BBS9: variants seen among roughly 807,000 people sequenced by gnomAD.
The protein encoded by BBS9 is Bardet-Biedl syndrome 9, also known as protein PTHB1.
BBS9 carries 89 observed loss-of-function variants against 117.7 expected under a neutral mutation model. The ratio of observed to expected loss-of-function variants is 0.76; its 90% CI spans 0.64 to 0.90. The LOEUF (loss-of-function observed/expected upper bound fraction) is 0.90, where lower values mean the gene tolerates loss of function less well. Among genes scored for constraint, BBS9 ranks in the 40% least tolerant of loss-of-function variants. The pLI is 0.00. For missense variants in BBS9, 982 were observed against 1,042.2 expected (o/e 0.94, Z 0.80); for synonymous variants, 379 against 370.9 (o/e 1.02, Z -0.25).
chr7:33,384,715 T>A (rs79407543), intron 18 of BBS9, among the ~76,000 whole-genome samples: 215 of 144,810 alleles, frequency 1.5e-3, no homozygotes, highest in East Asian at 0.01. Flanking sequence ...TGTGTGTGTG[T>A]GAGAGAGAGA....
chr7:33,479,759 ATAC>A (rs1842277721), intron 19 of BBS9, among the ~76,000 whole-genome samples: 1 of 152,036 alleles, frequency 6.6e-6, no homozygotes. Context: ...ACACTTTTAA[ATAC>A]TAGCCATTCT....
At chr7:33,416,902 C>T (rs1832094045) in intron 19 of BBS9, among the ~76,000 whole-genome samples, 1 of 152,134 alleles carries the variant, frequency 6.6e-6, no homozygotes, top group Non-Finnish European at 1.5e-5. Flanking sequence ...ACATTTGCTC[C>T]TTGATGCTCC....
chr7:33,590,049 AG>A (rs527814148), intron 21 of BBS9, among the ~76,000 whole-genome samples: 64 of 152,248 alleles, frequency 4.2e-4, no homozygotes, highest in Non-Finnish European at 4.4e-5. Flanking sequence ...AAGCAAAAAA[AG>A]TTTCAAGGAA....
In BBS9 at chr7:33,276,205, T is replaced by C. The variant is rs187936922; in HGVS notation, c.1016+2249T>C. On this transcript the variant is annotated intron_variant, in intron 9 of 22. Coordinates refer to ENST00000242067, the MANE Select transcript of BBS9 (RefSeq NM_198428.3). Reference sequence around the variant, plus strand: ...TTTTTTCTTCTTCAGTAAACTATAATTAATGCATGAAAAAGAAAATAAAGA... The same window carrying C: ...TTTTTTCTTCTTCAGTAAACTATAACTAATGCATGAAAAAGAAAATAAAGA... Among the ~76,000 whole-genome samples, 13 of 152,326 alleles carry C rather than the reference T, an allele frequency of 8.5e-5. No individual in the cohort carries two copies. In the East Asian group the frequency reaches 2.5e-3, roughly 29 times the overall value.
At chr7:33,618,234 A>G (rs892070507) in intron 21 of BBS9, among the ~76,000 whole-genome samples, 3 of 151,962 alleles carry the variant, frequency 2.0e-5, no homozygotes, top group Non-Finnish European at 4.4e-5. Context: ...GTTCATAGCT[A>G]CTCTGGAGGC....
At chr7:33,621,712 A>C in intron 21 of BBS9, among the ~76,000 whole-genome samples, 1 of 152,176 alleles carries the variant, frequency 6.6e-6, no homozygotes, top group Non-Finnish European at 1.5e-5. Context: ...TGTCAAAGAG[A>C]TACCTGTATT....
At chr7:33,577,770 G>C (rs1264677534) in intron 21 of BBS9, among the ~76,000 whole-genome samples, 1 of 152,168 alleles carries the variant, frequency 6.6e-6, no homozygotes, top group Non-Finnish European at 1.5e-5. Flanking sequence ...GATGAAGCTG[G>C]AAACCATCAT....
chr7:33,234,252 C>G (rs535937558), intron 5 of BBS9, among the ~76,000 whole-genome samples: 1 of 152,052 alleles, frequency 6.6e-6, no homozygotes, highest in Admixed American at 6.6e-5. Flanking sequence ...GGGTTTGGTA[C>G]TAAGGTTTCA....
intron 19 of BBS9, among the ~76,000 whole-genome samples, chr7:33,399,777 G>T (rs1205985293): frequency 6.6e-6 from 1 of 152,074 alleles, no homozygotes. Context: ...AAGTTATAGG[G>T]CTTTGTGCAA....
At chr7:33,564,447 T>C (rs1856555208) in intron 21 of BBS9, among the ~76,000 whole-genome samples, 1 of 152,210 alleles carries the variant, frequency 6.6e-6, no homozygotes, top group African/African-American at 2.4e-5. Context: ...TTAACCTTTC[T>C]GGGCCTTAGT....
intron 11 of BBS9, among the ~76,000 whole-genome samples, chr7:33,342,923 T>A (rs1326915914): frequency 6.6e-6 from 1 of 152,198 alleles, no homozygotes; most frequent in Non-Finnish European, 1.5e-5. Flanking sequence ...CTTTGAATCA[T>A]TATTATGAAA....
intron 21 of BBS9, among the ~76,000 whole-genome samples, chr7:33,625,335 G>A (rs1865588863): frequency 6.6e-6 from 1 of 152,090 alleles, no homozygotes; most frequent in Non-Finnish European, 1.5e-5. Context: ...TCCAGGCCCT[G>A]AATTCTACTC....
At chr7:33,317,463 T>TTA (rs1810759039) in intron 9 of BBS9, among the ~76,000 whole-genome samples, 1 of 151,792 alleles carries the variant, frequency 6.6e-6, no homozygotes, top group African/African-American at 2.4e-5. Flanking sequence ...TCTTTTTTTT[T>TTA]AACAATATTA....
chr7:33,219,648 C>T (rs941041530), intron 5 of BBS9, among the ~76,000 whole-genome samples: 63 of 152,062 alleles, frequency 4.1e-4, no homozygotes, highest in Non-Finnish European at 7.8e-4. Context: ...CCGTATCTAG[C>T]TAATCTGGTG....
At chr7:33,315,884 C>G (rs1390878448) in intron 9 of BBS9, among the ~76,000 whole-genome samples, 1 of 152,178 alleles carries the variant, frequency 6.6e-6, no homozygotes, top group Admixed American at 6.5e-5. Flanking sequence ...GCACACAGCA[C>G]TAAGCTTAAA....
chr7:33,330,849 C>A (rs1305900881), intron 9 of BBS9, among the ~76,000 whole-genome samples: 1 of 152,130 alleles, frequency 6.6e-6, no homozygotes, highest in African/African-American at 2.4e-5. Flanking sequence ...AATTCAGAGA[C>A]CTTGATTTTG....
chr7:33,461,530 C>G (rs1839467773), intron 19 of BBS9, among the ~76,000 whole-genome samples: 1 of 151,670 alleles, frequency 6.6e-6, no homozygotes, highest in Admixed American at 6.6e-5. Flanking sequence ...TTGTAAGACT[C>G]TCAGAAAAAG....
chr7:33,164,106 A>G (rs565861764), intron 4 of BBS9, among the ~76,000 whole-genome samples: 4 of 152,160 alleles, frequency 2.6e-5, no homozygotes, highest in Admixed American at 2.0e-4. Flanking sequence ...GTCATTCAGG[A>G]GCAGGTTGTT....
intron 6 of BBS9, among the ~76,000 whole-genome samples, chr7:33,260,088 C>G (rs1797728354): frequency 6.6e-6 from 1 of 151,622 alleles, no homozygotes; most frequent in Admixed American, 6.6e-5. Flanking sequence ...CAACCTCTGC[C>G]TCCCGCGTTC....
Sources: allele counts gnomAD v4.1 joint callset (sites outside exome capture counted in the v4.1 genomes callset), GRCh38; gene constraint gnomAD v4.1.1; transcripts MANE v1.5; gene names NCBI Gene and HGNC (gene_info 2026-07-23, HGNC 2026-07-21).